Variants in CSMD3 observed in about 807,000 individuals in gnomAD.
The protein encoded by CSMD3 is CUB and sushi domain-containing protein 3.
Under a neutral mutation model 435.2 loss-of-function variants are expected in CSMD3, and 177 were observed. That is an observed-to-expected ratio of 0.41 (90% confidence interval 0.36 to 0.46). CSMD3 has a LOEUF of 0.46. Ranked by LOEUF, CSMD3 falls within the 20% of genes least tolerant of loss-of-function variation. CSMD3 has a pLI of 0.34. For missense variants in CSMD3, 4,265 were observed against 4,504.6 expected (o/e 0.95, Z 1.52); for synonymous variants, 1,656 against 1,520.5 (o/e 1.09, Z -2.07).
chr8:112,604,489 A>G (rs1832637186), intron 22 of CSMD3, among the ~76,000 whole-genome samples: 1 of 152,174 alleles, frequency 6.6e-6, no homozygotes, highest in South Asian at 2.1e-4. Context: ...TACACCTACA[A>G]CGATCTGATC....
intron 67 of CSMD3, among the ~76,000 whole-genome samples, chr8:112,236,341 C>A (rs1813596730): frequency 6.6e-6 from 1 of 151,834 alleles, no homozygotes; most frequent in Non-Finnish European, 1.5e-5. Context: ...AATTCAAATG[C>A]ATTAATTTGA....
chr8:113,126,393 A>G (rs956395671), intron 4 of CSMD3, among the ~76,000 whole-genome samples: 1 of 151,952 alleles, frequency 6.6e-6, no homozygotes, highest in Admixed American at 6.6e-5. Context: ...ACATATATCA[A>G]AAAATATATA....
chr8:112,884,267 T>C (rs1209995557), intron 10 of CSMD3, among the ~76,000 whole-genome samples: 1 of 151,786 alleles, frequency 6.6e-6, no homozygotes, highest in African/African-American at 2.4e-5. Flanking sequence ...CTCTCAGTTT[T>C]ACAAGTAGTC....
chr8:113,196,531 G>T (rs1230078147), intron 3 of CSMD3, among the ~76,000 whole-genome samples: 1 of 151,166 alleles, frequency 6.6e-6, no homozygotes, highest in African/African-American at 2.4e-5. Flanking sequence ...AGTCAGAACA[G>T]CACATGAAAC....
intron 11 of CSMD3, among the ~76,000 whole-genome samples, chr8:112,834,602 T>C (rs2079969491): frequency 6.6e-6 from 1 of 151,660 alleles, no homozygotes; most frequent in Non-Finnish European, 1.5e-5. Flanking sequence ...ATCAGGAGTC[T>C]GATGTAAAAT....
At chr8:113,130,128 T>G (rs1474189474) in intron 4 of CSMD3, among the ~76,000 whole-genome samples, 1 of 152,058 alleles carries the variant, frequency 6.6e-6, no homozygotes, top group Non-Finnish European at 1.5e-5. Context: ...TTAGTACGCA[T>G]TATAAATGTA....
At chr8:112,670,292 G>A (rs1287770345) in intron 16 of CSMD3, among the ~76,000 whole-genome samples, 1 of 152,112 alleles carries the variant, frequency 6.6e-6, no homozygotes, top group Non-Finnish European at 1.5e-5. Context: ...TACCTTTTCT[G>A]GGGAATAAAG....
chr8:113,345,191 A>G (rs1429650266), intron 1 of CSMD3, among the ~76,000 whole-genome samples: 1 of 152,136 alleles, frequency 6.6e-6, no homozygotes, highest in Non-Finnish European at 1.5e-5. Flanking sequence ...CAAACAAAGG[A>G]TAAGTCTATA....
intron 16 of CSMD3, among the ~76,000 whole-genome samples, chr8:112,668,680 G>T (rs757018178): frequency 4.6e-5 from 7 of 151,960 alleles, no homozygotes; most frequent in Non-Finnish European, 8.8e-5. Flanking sequence ...TTCTGAAGTA[G>T]CTACTTTCTC....
chr8:112,929,354 G>C (rs1376102633), intron 9 of CSMD3, among the ~76,000 whole-genome samples: 1 of 145,764 alleles, frequency 6.9e-6, no homozygotes, highest in Non-Finnish European at 1.5e-5. Context: ...ATGTGCACAT[G>C]TACCCTAAAA....
chr8:113,219,287 C>T (rs994058568), intron 3 of CSMD3, among the ~76,000 whole-genome samples: 1 of 151,206 alleles, frequency 6.6e-6, no homozygotes, highest in African/African-American at 2.4e-5. Flanking sequence ...AGAAGTAAAA[C>T]TATACCTATC....
At chr8:112,371,900 C>CA (rs1586906520) in intron 38 of CSMD3, among the ~76,000 whole-genome samples, 6 of 151,066 alleles carry the variant, frequency 4.0e-5, no homozygotes, top group South Asian at 2.1e-4. Context: ...AAAAAAAAAC[C>CA]AAAAAAACAA....
chr8:112,350,556 C>A (rs567658121), intron 40 of CSMD3, among the ~76,000 whole-genome samples: 1 of 151,602 alleles, frequency 6.6e-6, no homozygotes, highest in Non-Finnish European at 1.5e-5. Flanking sequence ...GGGATCATAC[C>A]TCACATTACT....
At chr8:113,380,277 G>A (rs2094409497) in intron 1 of CSMD3, among the ~76,000 whole-genome samples, 1 of 150,780 alleles carries the variant, frequency 6.6e-6, no homozygotes, top group Non-Finnish European at 1.5e-5. Context: ...AATTTAACAG[G>A]ACACTTCTTT....
chr8:113,078,651 T>A (rs1050095595), intron 5 of CSMD3, among the ~76,000 whole-genome samples: 7 of 152,214 alleles, frequency 4.6e-5, no homozygotes, highest in African/African-American at 1.7e-4. Flanking sequence ...AACACCCACA[T>A]GAGCTTTTAA....
In CSMD3 at chr8:112,880,615, C is replaced by T. The variant is rs919669272; in HGVS notation, c.1634-21349G>A. 1.3e-4 allele frequency among the ~76,000 whole-genome samples: 20 copies of T among 152,002 alleles called. 1 individual carries two copies. The highest frequency in any genetic ancestry group is 4.6e-4 in the African/African-American group (19 of 41,402). Reference sequence around the variant, plus strand: ...CAGAAAAACTCTGGAATTCCCAGAACATCTAAGGTCGTTGGGATTTGGGGC... The same window carrying T: ...CAGAAAAACTCTGGAATTCCCAGAATATCTAAGGTCGTTGGGATTTGGGGC... On this transcript the variant is annotated intron_variant, in intron 10 of 70. Coordinates refer to ENST00000297405, the MANE Select transcript of CSMD3 (RefSeq NM_198123.2).
chr8:113,048,154 G>T (rs568973790), intron 5 of CSMD3, among the ~76,000 whole-genome samples: 17 of 149,182 alleles, frequency 1.1e-4, no homozygotes, highest in African/African-American at 4.0e-4. Flanking sequence ...GTGCAGTGGC[G>T]CGATCTCGGC....
At chr8:112,760,973 T>C (rs1271157695) in intron 13 of CSMD3, among the ~76,000 whole-genome samples, 1 of 152,166 alleles carries the variant, frequency 6.6e-6, no homozygotes, top group Non-Finnish European at 1.5e-5. Flanking sequence ...GCTTCAAGAA[T>C]CGTGCCCTCC....
intron 11 of CSMD3, among the ~76,000 whole-genome samples, chr8:112,844,113 A>G (rs1291312698): frequency 6.6e-6 from 1 of 151,962 alleles, no homozygotes. Flanking sequence ...AATTAATAGG[A>G]GGATTAAGTG....
Sources: gnomAD v4.1 joint callset for allele counts (sites outside exome capture counted in the v4.1 genomes callset) on GRCh38, gnomAD v4.1.1 for gene constraint, MANE v1.5 for transcripts, NCBI Gene and HGNC (gene_info 2026-07-23, HGNC 2026-07-21) for gene names.